Variants in USF3 observed in about 807,000 individuals in gnomAD.
The protein encoded by USF3 is basic helix-loop-helix domain-containing protein USF3.
In USF3, 29 loss-of-function variants were observed where a neutral mutation model predicts 157.5. That is an observed-to-expected ratio of 0.18 (90% CI 0.14 to 0.25). The LOEUF is 0.25. Among genes scored for constraint, USF3 ranks in the 10% least tolerant of loss-of-function variants. USF3 has a pLI of 1.00. For missense variants in USF3, 2,381 were observed against 2,667.6 expected, an observed-to-expected ratio of 0.89 and a Z score of 2.37; for synonymous variants, 893 against 941.4, an observed-to-expected ratio of 0.95 and a Z score of 0.94.
chr3:113,692,963 G>A (rs984555024), intron 1 of USF3, among the ~76,000 whole-genome samples: 1 of 152,124 alleles, frequency 6.6e-6, no homozygotes, highest in African/African-American at 2.4e-5. Context: ...TGTGCATACT[G>A]GAAGGAAGAT....
At position 113,656,529 on chromosome 3, in the gene USF3, T is replaced by C; in HGVS notation, c.5153A>G (p.Gln1718Arg). 1 of 1,614,244 alleles carries C rather than the reference T, an allele frequency of 6.2e-7. No individual in the cohort carries two copies. The highest frequency in any genetic ancestry group is 8.5e-7 in the Non-Finnish European group (1 of 1,180,050). ...GGCCACAGTATGGTCCACACGACCC[T>C]GCATATTATGAATAGCCAAACTCTT... ...RNKSLAIHNMQGRVDHTVASD... is the reference protein window; with the variant it reads ...RNKSLAIHNMRGRVDHTVASD... The change falls in exon 7 of 7, where the codon CAG becomes CGG. Residue 1718 changes from glutamine to arginine, a missense_variant. Transcript: ENST00000316407.
intron 1 of USF3, among the ~76,000 whole-genome samples, chr3:113,682,797 A>G (rs1236699226): frequency 6.6e-6 from 1 of 150,408 alleles, no homozygotes; most frequent in Non-Finnish European, 1.5e-5. Context: ...TTCCATTTGT[A>G]TGCTATATCT....
chr3:113,671,893 A>G (rs1020866735), intron 4 of USF3, among the ~76,000 whole-genome samples: 4 of 150,042 alleles, frequency 2.7e-5, no homozygotes, highest in Middle Eastern at 7.1e-3. Flanking sequence ...CTCAGCCTCC[A>G]GAGTAGCTGG....
At chr3:113,689,209 C>A (rs1337348695) in intron 1 of USF3, among the ~76,000 whole-genome samples, 1 of 152,182 alleles carries the variant, frequency 6.6e-6, no homozygotes, top group Non-Finnish European at 1.5e-5. Context: ...AATAAGTACC[C>A]TTTAGAGTCT....
intron 1 of USF3, among the ~76,000 whole-genome samples, chr3:113,679,009 GTCTCTCTCTC>G (rs373834496): frequency 6.9e-5 from 10 of 144,062 alleles, no homozygotes; most frequent in African/African-American, 1.3e-4. Flanking sequence ...CCAGGCTGGT[GTCTCTCTCTC>G]TCTCTCTCTC....
At chr3:113,670,066 C>T in intron 5 of USF3, 55 bp downstream of exon 5, 2 of 1,183,238 alleles carry the variant, frequency 1.7e-6, no homozygotes, top group South Asian at 2.5e-5. Flanking sequence ...ACCAAAACAA[C>T]TTAGGGAATT....
rs1429713030 is a variant in USF3 at position 113,653,306 on chromosome 3, T to C, written c.*1638A>G. On this transcript the variant is annotated 3_prime_UTR_variant, in exon 7 of 7. Transcript: ENST00000316407. ...GTATTATAAACTTCTGTGGGGCTTT[T>C]AAAAACCTGTACCTAGGCCAAGCAC... The C allele has an allele frequency of 6.6e-6, 1 of 152,596 alleles. No homozygotes were observed. The highest frequency in any genetic ancestry group is 1.5e-5 in the Non-Finnish European group (1 of 68,380). 9.5% of individuals were successfully genotyped at this position (152,596 alleles called of 1,614,324 possible). A position where few individuals can be genotyped will look rare whatever the true frequency, so the allele number is the denominator to read the frequency against.
At position 113,651,625 on chromosome 3, in the gene USF3, T is replaced by C. The variant is rs1433385410; in HGVS notation, c.*3319A>G. On this transcript the variant is annotated 3_prime_UTR_variant, in exon 7 of 7. Transcript: ENST00000316407. Reference sequence around the variant, plus strand: ...AACAAATTTCTTCCCAAAAATCACGTAGCTCTATCAAATACTTAATACTGC... The same window carrying C: ...AACAAATTTCTTCCCAAAAATCACGCAGCTCTATCAAATACTTAATACTGC... 2 of 152,216 alleles carry C rather than the reference T, an allele frequency of 1.3e-5. No homozygotes were observed. Among genetic ancestry groups the C allele is most frequent in the East Asian group, 1.9e-4 (1 of 5,192 alleles). The allele number at this position is 152,216 out of a possible 1,614,324, so 9.4% of individuals were successfully genotyped here. A position where few individuals can be genotyped will look rare whatever the true frequency, so the allele number is the denominator to read the frequency against.
chr3:113,657,794 G>A lies in USF3; in HGVS notation c.3888C>T (p.Ser1296=). Residue 1296 remains serine, a synonymous_variant, in exon 7 of 7, where the codon TCC becomes TCT. Transcript: ENST00000316407. ...TAGTCATAGTATTTAGCTGTTCTTGGGAATATTCAGTCATCAGAGATGGTC... is the reference window on the plus strand; with the variant it reads ...TAGTCATAGTATTTAGCTGTTCTTGAGAATATTCAGTCATCAGAGATGGTC... ...PPGPSLMTEY[S]QEQLNTMTST... 1 of 1,614,080 alleles carries A rather than the reference G, an allele frequency of 6.2e-7. No homozygotes were observed. Among genetic ancestry groups the A allele is most frequent in the Non-Finnish European group, 8.5e-7 (1 of 1,180,004 alleles).
At chr3:113,664,147 A>G (rs113995835) in intron 6 of USF3, among the ~76,000 whole-genome samples, 166 bp downstream of exon 6, 101 of 152,346 alleles carry the variant, frequency 6.6e-4, no homozygotes, top group African/African-American at 2.3e-3. Flanking sequence ...GAGTTAGACT[A>G]AAATGAATTT....
chr3:113,673,343 T>A lies in USF3; in HGVS notation c.76+5A>T, dbSNP rs1577042856. On this transcript the variant is annotated splice_donor_5th_base_variant and intron_variant, in intron 4 of 6. Coordinates refer to ENST00000316407, the MANE Select transcript of USF3 (RefSeq NM_001009899.4). ...GCTAACAGGTAAAATTTAAATTGTTTCTACCTGCATTGTGTGTCTCCCGGT... is the reference window on the plus strand; with the variant it reads ...GCTAACAGGTAAAATTTAAATTGTTACTACCTGCATTGTGTGTCTCCCGGT... 6.3e-7 allele frequency: 1 copy of A among 1,599,074 alleles called. No homozygotes were observed.
At chr3:113,665,241 T>G (rs979726801) in intron 5 of USF3, among the ~76,000 whole-genome samples, 22 of 151,920 alleles carry the variant, frequency 1.4e-4, no homozygotes, top group African/African-American at 4.6e-4. Context: ...GGAGGAATGG[T>G]AAGGAGGTGA....
At chr3:113,662,843 T>C (rs1381533533) in intron 6 of USF3, among the ~76,000 whole-genome samples, 2 of 152,056 alleles carry the variant, frequency 1.3e-5, no homozygotes, top group African/African-American at 4.8e-5. Context: ...TATTTTATTA[T>C]CACCACTTTT....
At chr3:113,663,106 T>C (rs1393751183) in intron 6 of USF3, among the ~76,000 whole-genome samples, 1 of 148,366 alleles carries the variant, frequency 6.7e-6, no homozygotes, top group Non-Finnish European at 1.5e-5. Context: ...AAAAAGAGGA[T>C]AGAGCAGATG....
In USF3 at chr3:113,656,936, A is replaced by C. The variant is rs1312760958; in HGVS notation, c.4746T>G (p.Pro1582=). The C allele has an allele frequency of 6.2e-7, 1 of 1,614,128 alleles. No individual in the cohort carries two copies. Among genetic ancestry groups the C allele is most frequent in the Non-Finnish European group, 8.5e-7 (1 of 1,180,028 alleles). ...GGTTATGATGGTTCCGACTAGTTGA[A>C]GGGTTTTCACAGCTCTTCTCTGTCT... ...SSQTEKSCEN[P]STSRNHHNHP... is the part of the protein sequence containing the mutation. Residue 1582 remains proline, a synonymous_variant, in exon 7 of 7, where the codon CCT becomes CCG. Coordinates refer to ENST00000316407, the MANE Select transcript of USF3 (RefSeq NM_001009899.4).
intron 5 of USF3, among the ~76,000 whole-genome samples, chr3:113,669,315 A>G (rs1330902654): frequency 1.4e-5 from 2 of 139,762 alleles, no homozygotes; most frequent in East Asian, 4.2e-4. Context: ...ATATAACAGT[A>G]AAAAAAAAAA....
chr3:113,670,279 GT>G, intron 4 of USF3, 76 bp from the exon 5 acceptor site: 1 of 840,116 alleles, frequency 1.2e-6, no homozygotes, highest in South Asian at 1.3e-5. Context: ...CGGTAAAGAA[GT>G]TTTAGGTAAA....
Position 113,660,396 on chromosome 3 carries a change from G to C in USF3, c.1286C>G (p.Thr429Arg). 6.2e-7 allele frequency: 1 copy of C among 1,614,148 alleles called. No individual in the cohort carries two copies. Among genetic ancestry groups the C allele is most frequent in the Non-Finnish European group, 8.5e-7 (1 of 1,179,990 alleles). ...TTGCAAAGTAGTCCACGTTGTCTGT[G>C]TGTTTCCAGCTGAAGAGATTCGTGT... ...SLTRISSAGN[T>R]QTTWTTLQLA... Residue 429 changes from threonine to arginine, a missense_variant, in exon 7 of 7, where the codon ACA becomes AGA. Thr to Arg is a moderately conservative substitution (Grantham distance 71). This residue lies in a region of USF3 where 1,435 missense variants were observed against 1,550.9 expected (regional missense o/e 0.93). Coordinates refer to ENST00000316407, the MANE Select transcript of USF3 (RefSeq NM_001009899.4).
chr3:113,694,426 T>C (rs1030553415), intron 1 of USF3, among the ~76,000 whole-genome samples: 5 of 152,220 alleles, frequency 3.3e-5, no homozygotes, highest in East Asian at 1.9e-4. Flanking sequence ...CGATGTTCCA[T>C]AGACGACTAA....
Sources: gnomAD v4.1 joint callset for allele counts (sites outside exome capture counted in the v4.1 genomes callset) on GRCh38, gnomAD v4.1.1 for gene constraint, gnomAD v4.1.1 regional missense constraint, MANE v1.5 for transcripts, NCBI Gene and HGNC (gene_info 2026-07-23, HGNC 2026-07-21) for gene names.